Variants in P2RX5 observed in about 807,000 individuals in gnomAD.
The protein encoded by P2RX5 is P2X purinoceptor 5.
In P2RX5, 46 loss-of-function variants were observed where a neutral mutation model predicts 54.1. The ratio of observed to expected loss-of-function variants is 0.85; its 90% CI spans 0.67 to 1.09. The LOEUF (loss-of-function observed/expected upper bound fraction) is 1.09. P2RX5 is among the 50% of genes least tolerant of loss of function. P2RX5 has a pLI of 0.00. For synonymous variants in P2RX5, 226 were observed against 226.4 expected, an observed-to-expected ratio of 1.00 and a Z score of 0.02; for missense variants, 566 against 549.8, an observed-to-expected ratio of 1.03 and a Z score of -0.29.
At position 3,689,541 on chromosome 17, in the gene P2RX5, C is replaced by G. The variant is rs756212968; in HGVS notation, c.704G>C (p.Gly235Ala). The change falls in exon 7 of 12, where the codon GGC becomes GCC. Residue 235 changes from glycine to alanine, a missense_variant. Coordinates refer to ENST00000225328, the MANE Select transcript of P2RX5 (RefSeq NM_002561.4). ...GCTCCCGGCCCAGCGGATCACGGAG[C>G]CCAGTCGGAAGATGGGGCAGTAGTG... is the stretch of plus-strand genomic sequence containing the variant. The part of the protein sequence containing the change: ...KNHYCPIFRL[G>A]SVIRWAGSDF... The G allele has an allele frequency of 1.9e-6, 3 of 1,614,200 alleles. No individual in the cohort carries two copies. The South Asian group carries it at 3.3e-5, about 18-fold the overall frequency.
chr17:3,678,156 G>T, intron 11 of P2RX5: 1 of 962,202 alleles, frequency 1.0e-6, no homozygotes, highest in Non-Finnish European at 1.2e-6. Flanking sequence ...GGCGGGAGGG[G>T]GCGCACAGGG....
the P2RX5 span, among the ~76,000 whole-genome samples, chr17:3,710,750 A>G: frequency 6.6e-6 from 1 of 151,782 alleles, no homozygotes; most frequent in African/African-American, 2.4e-5. Flanking sequence ...CGACATGGTG[A>G]AACCCCATCT....
At chr17:3,694,742 A>G (rs2050709803) in intron 1 of P2RX5, among the ~76,000 whole-genome samples, 1 of 152,224 alleles carries the variant, frequency 6.6e-6, no homozygotes, top group Non-Finnish European at 1.5e-5. Flanking sequence ...TTTCACATCT[A>G]TTCCCTAAGC....
At chr17:3,702,595 A>C in the P2RX5 span, among the ~76,000 whole-genome samples, 59,343 of 152,054 alleles carry the variant, frequency 0.39, 13,786 homozygotes, top group South Asian at 0.61. Flanking sequence ...CGAAGGTCTG[A>C]AGCTTCACTC....
chr17:3,688,181 C>T (rs1214096247), intron 8 of P2RX5, 76 bp from the exon 9 acceptor site: 5 of 817,674 alleles, frequency 6.1e-6, no homozygotes, highest in African/African-American at 1.7e-5. Context: ...TGTGGCTGCT[C>T]TGGGGACTTA....
At chr17:3,681,800 C>A in intron 10 of P2RX5, 96 bp downstream of exon 10, 2 of 839,656 alleles carry the variant, frequency 2.4e-6, no homozygotes, top group Non-Finnish European at 2.1e-6. Context: ...CTGCCTCCCA[C>A]CCCAGCCATC....
the P2RX5 span, chr17:3,717,108 C>T: frequency 5.5e-5 from 16 of 289,956 alleles, 1 homozygote; most frequent in South Asian, 2.2e-4. Context: ...CCACGGAATC[C>T]GGTCTCAACA....
chr17:3,690,334 G>C (rs2050575594), intron 5 of P2RX5, 93 bp downstream of exon 5: 2 of 1,175,330 alleles, frequency 1.7e-6, no homozygotes, highest in Non-Finnish European at 1.2e-6. Context: ...CTCAGCGTGA[G>C]GCTCCCAGAG....
chr17:3,723,399 C>A, the P2RX5 span: 4 of 1,557,372 alleles, frequency 2.6e-6, no homozygotes, highest in Non-Finnish European at 3.5e-6. Context: ...AAAGCGAGGT[C>A]TAGTGAACAC....
chr17:3,681,215 G>A (rs559963145), intron 10 of P2RX5, among the ~76,000 whole-genome samples: 26 of 152,244 alleles, frequency 1.7e-4, no homozygotes, highest in East Asian at 1.4e-3. Flanking sequence ...GCAGTAAGGC[G>A]AATGACCCAG....
the P2RX5 span, among the ~76,000 whole-genome samples, chr17:3,704,719 GA>G: frequency 6.6e-6 from 1 of 152,182 alleles, no homozygotes; most frequent in Non-Finnish European, 1.5e-5. Context: ...AAAGGATAAA[GA>G]TTCAGGCCGG....
rs147152547 is a variant in P2RX5 at position 3,690,519 on chromosome 17, C to T, written c.441G>A (p.Val147=). 6.6e-5 allele frequency: 107 copies of T among 1,613,596 alleles called. No individual in the cohort carries two copies. The Middle Eastern group carries it at 8.2e-4, about 12-fold the overall frequency. ...CTCTCCGCAGGCAGCGGCCGGTCTT[C>T]ACTCCTGCAGGGGTGGGACAGGATC... The part of the protein sequence containing the change: ...AGEAVTAGNG[V]KTGRCLRREN... Residue 147 remains valine (V), a synonymous_variant, in exon 5 of 12, where the codon GTG becomes GTA. Transcript: ENST00000225328.
At chr17:3,698,430 CTGTT>C (rs2050795225), upstream of P2RX5, among the ~76,000 whole-genome samples, 1 of 152,100 alleles carries the variant, frequency 6.6e-6, no homozygotes, top group Admixed American at 6.6e-5. Context: ...GTTCCAGGGC[CTGTT>C]TGTTCTTTGA....
chr17:3,716,272 CAG>C, the P2RX5 span, among the ~76,000 whole-genome samples: 57,436 of 151,676 alleles, frequency 0.38, 12,984 homozygotes, highest in South Asian at 0.6. Flanking sequence ...CACATTAAGA[CAG>C]GGGAAGGCAA....
At chr17:3,712,331 CAG>C in the P2RX5 span, among the ~76,000 whole-genome samples, 1 of 152,168 alleles carries the variant, frequency 6.6e-6, no homozygotes, top group Admixed American at 6.5e-5. Context: ...TGGTGCCCAA[CAG>C]CCTAGTGATG....
chr17:3,691,835 C>G, intron 1 of P2RX5, 41 bp from the exon 2 acceptor site: 1 of 1,612,350 alleles, frequency 6.2e-7, no homozygotes, highest in Non-Finnish European at 8.5e-7. Flanking sequence ...AGCCACTCTG[C>G]TGGCTTCGGG....
At chr17:3,709,133 G>A in the P2RX5 span, among the ~76,000 whole-genome samples, 4 of 152,022 alleles carry the variant, frequency 2.6e-5, no homozygotes, top group African/African-American at 9.7e-5. Flanking sequence ...TGCATTTTTA[G>A]TAGAGACAGG....
chr17:3,688,830 T>A, intron 7 of P2RX5, 71 bp from the exon 8 acceptor site: 1 of 1,550,888 alleles, frequency 6.4e-7, no homozygotes, highest in South Asian at 1.1e-5. Flanking sequence ...GGCCAGCCCT[T>A]CACCGGCACT....
the P2RX5 span, chr17:3,723,573 G>A: frequency 8.4e-7 from 1 of 1,184,034 alleles, no homozygotes; most frequent in Non-Finnish European, 1.2e-6. Context: ...GGGAGGGCCT[G>A]GCAGCCCCCG....
Sources: gnomAD v4.1 joint callset for allele counts (sites outside exome capture counted in the v4.1 genomes callset) on GRCh38, gnomAD v4.1.1 for gene constraint, MANE v1.5 for transcripts, NCBI Gene and HGNC (gene_info 2026-07-23, HGNC 2026-07-21) for gene names.